The following LUC7L3 variants were observed in gnomAD, a reference collection of about 807,000 sequenced individuals.
The protein encoded by LUC7L3 is luc7-like protein 3.
In LUC7L3, 6 loss-of-function variants were observed where a neutral mutation model predicts 66.8. The ratio of observed to expected loss-of-function variants is 0.09; its 90% CI spans 0.05 to 0.18. LUC7L3 has a LOEUF of 0.18. Among genes scored for constraint, LUC7L3 ranks in the 10% least tolerant of loss-of-function variants. LUC7L3 has a pLI of 1.00. For synonymous variants in LUC7L3, 160 were observed against 174.7 expected, an observed-to-expected ratio of 0.92 and a Z score of 0.66; for missense variants, 341 against 531.1, an observed-to-expected ratio of 0.64 and a Z score of 3.52.
At chr17:50,724,920 CCTGA>C (rs899729102) in intron 1 of LUC7L3, among the ~76,000 whole-genome samples, 2 of 151,956 alleles carry the variant, frequency 1.3e-5, no homozygotes, top group Middle Eastern at 3.4e-3. Context: ...TGCCACCATG[CCTGA>C]CTAATTTTTG....
At chr17:50,729,985 G>T (rs1165902825) in intron 1 of LUC7L3, among the ~76,000 whole-genome samples, 1 of 131,852 alleles carries the variant, frequency 7.6e-6, no homozygotes, top group Non-Finnish European at 1.6e-5. Context: ...ACAGTGTCTG[G>T]CTCTGTTACC....
intron 1 of LUC7L3, among the ~76,000 whole-genome samples, chr17:50,731,792 A>G (rs1038140669): frequency 8.5e-5 from 13 of 152,136 alleles, no homozygotes; most frequent in Admixed American, 4.6e-4. Context: ...ATTGGACTAG[A>G]TTAGGTAGCT....
At chr17:50,731,737 T>C (rs943380488) in intron 1 of LUC7L3, among the ~76,000 whole-genome samples, 3 of 152,190 alleles carry the variant, frequency 2.0e-5, no homozygotes, top group Admixed American at 6.5e-5. Context: ...TCTGTAGATA[T>C]AGCTGGATGC....
At position 50,741,222 on chromosome 17, in the gene LUC7L3, A is replaced by G; in HGVS notation, c.327A>G (p.Leu109=). ...RIRRGHARLA[L]SQNQQSSGAA... ...GACGAGGCCATGCTCGTTTGGCATT[A>G]TCTCAAAACCAGCAGTCTTCTGGGG... Residue 109 remains leucine, a synonymous_variant, in exon 4 of 10, where the codon TTA becomes TTG. Coordinates refer to ENST00000505658, the MANE Select transcript of LUC7L3 (RefSeq NM_016424.5). The G allele has an allele frequency of 6.2e-7, 1 of 1,614,202 alleles. No homozygotes were observed. The highest frequency in any genetic ancestry group is 8.5e-7 in the Non-Finnish European group (1 of 1,180,022).
chr17:50,738,183 A>G (rs752524942), intron 2 of LUC7L3: 1 of 455,714 alleles, frequency 2.2e-6, no homozygotes, highest in South Asian at 1.6e-5. Context: ...ACAGTTCCTG[A>G]GAAGTGATCT....
In LUC7L3 at chr17:50,754,990, AAT is replaced by A. The variant is rs1440197099; in HGVS notation, c.*4332_*4333del. The A allele has an allele frequency of 1.3e-5, 2 of 152,208 alleles. No homozygotes were observed. The highest frequency in any genetic ancestry group is 1.5e-5 in the Non-Finnish European group (1 of 68,032). 9.4% of individuals were successfully genotyped at this position (152,208 alleles called of 1,614,324 possible). A position where few individuals can be genotyped will look rare whatever the true frequency, so the allele number is the denominator to read the frequency against. ...AAATGCATTGCAGATGGGCTATGTG[AAT>A]ATGTTTTTAAACATCTGATATGTGC... On this transcript the variant is annotated 3_prime_UTR_variant, in exon 10 of 10. Transcript: ENST00000505658.
intron 5 of LUC7L3, among the ~76,000 whole-genome samples, chr17:50,741,937 G>A (rs1970373838): frequency 1.3e-5 from 2 of 152,150 alleles, no homozygotes; most frequent in Non-Finnish European, 2.9e-5. Flanking sequence ...TTAGCCAGGT[G>A]CAATGGCGTG....
chr17:50,719,968 GC>G, intron 1 of LUC7L3, 137 bp downstream of exon 1: 1 of 724,750 alleles, frequency 1.4e-6, no homozygotes, highest in Non-Finnish European at 2.2e-6. Flanking sequence ...TGCCCATGGA[GC>G]CAGGAGGGAG....
At chr17:50,746,994 G>A (rs1970706675) in intron 9 of LUC7L3, among the ~76,000 whole-genome samples, 1 of 151,396 alleles carries the variant, frequency 6.6e-6, no homozygotes, top group South Asian at 2.1e-4. Context: ...GTTATTAGGT[G>A]TAGGATTTAT....
intron 1 of LUC7L3, among the ~76,000 whole-genome samples, chr17:50,735,876 T>C (rs1969953370): frequency 6.6e-6 from 1 of 152,162 alleles, no homozygotes; most frequent in Non-Finnish European, 1.5e-5. Flanking sequence ...TTCACACCTG[T>C]AATCCCAGCA....
At chr17:50,729,896 TTATA>T (rs1156777167) in intron 1 of LUC7L3, among the ~76,000 whole-genome samples, 711 of 64,992 alleles carry the variant, frequency 0.011, 3 homozygotes, top group Non-Finnish European at 0.015. Flanking sequence ...TATAAATACA[TTATA>T]TATATATATA....
intron 2 of LUC7L3, chr17:50,738,179 C>A (rs1970105140): frequency 2.2e-6 from 1 of 455,742 alleles, no homozygotes; most frequent in Non-Finnish European, 4.4e-6. Context: ...GTGAACAGTT[C>A]CTGAGAAGTG....
chr17:50,729,167 A>G (rs1243568226), intron 1 of LUC7L3, among the ~76,000 whole-genome samples: 3 of 152,148 alleles, frequency 2.0e-5, no homozygotes, highest in Admixed American at 1.3e-4. Flanking sequence ...TGAGGTATAC[A>G]TACATTTAAG....
At chr17:50,732,215 A>G (rs1226255656) in intron 1 of LUC7L3, among the ~76,000 whole-genome samples, 1 of 152,222 alleles carries the variant, frequency 6.6e-6, no homozygotes, top group South Asian at 2.1e-4. Context: ...AACAGTAGAT[A>G]AAGTAGAAAT....
At position 50,741,414 on chromosome 17, in the gene LUC7L3, A is replaced by G. The variant is rs140548971; in HGVS notation, c.351+168A>G. 2.8e-4 allele frequency: 212 copies of G among 744,846 alleles called. No homozygotes were observed. In the African/African-American group the frequency reaches 3.3e-3, roughly 12 times the overall value. The allele number at this position is 744,846 out of a possible 1,614,324, so 46.1% of individuals were successfully genotyped here. On this transcript the variant is annotated intron_variant, in intron 4 of 9. Coordinates refer to ENST00000505658, the MANE Select transcript of LUC7L3 (RefSeq NM_016424.5). ...TCCAGTCTTTATTAGCAAACATAAC[A>G]CTGATTTTGCTAACCATAAGATTTT...
chr17:50,732,367 A>G (rs1476244639), intron 1 of LUC7L3, among the ~76,000 whole-genome samples: 1 of 152,070 alleles, frequency 6.6e-6, no homozygotes, highest in Non-Finnish European at 1.5e-5. Flanking sequence ...AATCTTTACA[A>G]TCCCACTATA....
chr17:50,746,175 A>G (rs1379978766), intron 8 of LUC7L3, among the ~76,000 whole-genome samples, 172 bp downstream of exon 8: 1 of 152,190 alleles, frequency 6.6e-6, no homozygotes, highest in Admixed American at 6.5e-5. Flanking sequence ...TCTTCGGGGC[A>G]ACTTCTGTGC....
At chr17:50,720,040 T>C (rs1176606450) in intron 1 of LUC7L3, among the ~76,000 whole-genome samples, 1 of 151,938 alleles carries the variant, frequency 6.6e-6, no homozygotes, top group African/African-American at 2.4e-5. Flanking sequence ...ATCAAGGGGG[T>C]CCGGGAGAGC....
At chr17:50,729,895 AT>A (rs71760755) in intron 1 of LUC7L3, among the ~76,000 whole-genome samples, 1 of 81,142 alleles carries the variant, frequency 1.2e-5, no homozygotes, top group Non-Finnish European at 2.5e-5. Flanking sequence ...ATATAAATAC[AT>A]TATATATATA....
Sources: allele counts gnomAD v4.1 joint callset (sites outside exome capture counted in the v4.1 genomes callset), GRCh38; gene constraint gnomAD v4.1.1; transcripts MANE v1.5; gene names NCBI Gene and HGNC (gene_info 2026-07-23, HGNC 2026-07-21).